Variants in TARDBP observed in about 807,000 individuals in gnomAD.
TARDBP encodes TAR DNA binding protein, also known as TAR DNA-binding protein 43.
In TARDBP, 4 loss-of-function variants were observed where a neutral mutation model predicts 38.3. The observed-to-expected ratio is 0.10, with a 90% CI of 0.05 to 0.24. TARDBP has a LOEUF of 0.24. Among genes scored for constraint, TARDBP ranks in the 10% least tolerant of loss-of-function variants. The pLI is 1.00. For synonymous variants in TARDBP, 184 were observed against 183.8 expected (o/e 1.00, Z -0.01); for missense variants, 202 against 521.9 (o/e 0.39, Z 5.97).
downstream of TARDBP, chr1:11,027,494 G>T (rs201886741): frequency 1.9e-6 from 3 of 1,614,084 alleles, no homozygotes; most frequent in Non-Finnish European, 1.7e-6. Context: ...GCTCATAGAC[G>T]GCATGAGCAG....
chr1:11,013,981 G>A lies in TARDBP; in HGVS notation c.238+16G>A, dbSNP rs373450963. ...TATCCAAAAGGTTTGTTACCATTTG[G>A]TTTTTGTAATCATGCTGAAGTGTGT... On this transcript the variant is annotated intron_variant, in intron 2 of 5. Transcript: ENST00000240185. The A allele has an allele frequency of 2.0e-5, 32 of 1,613,398 alleles. No individual in the cohort carries two copies. Among genetic ancestry groups the A allele is most frequent in the Non-Finnish European group, 2.4e-5 (28 of 1,179,446 alleles).
downstream of TARDBP, chr1:11,027,375 G>T (rs755660862): frequency 6.2e-6 from 10 of 1,614,068 alleles, no homozygotes. Context: ...AGCATCATGA[G>T]TATAACCTTC....
intron 3 of TARDBP, among the ~76,000 whole-genome samples, chr1:11,017,418 C>G (rs1047885888): frequency 3.3e-5 from 5 of 152,106 alleles, no homozygotes; most frequent in African/African-American, 1.2e-4. Flanking sequence ...CCAGGCTGTT[C>G]TTGAACTCCT....
intron 4 of TARDBP, chr1:11,019,325 C>T (rs1420832103): frequency 5.3e-5 from 16 of 304,268 alleles, no homozygotes; most frequent in Non-Finnish European, 8.8e-5. Flanking sequence ...TCATGTATCA[C>T]ATGGCAAAGT....
Position 11,022,645 on chromosome 1 carries a change from G to C in TARDBP, c.1236G>C (p.Trp412Cys). The change falls in exon 6 of 6, where the codon TGG becomes TGC. Residue 412 changes from tryptophan to cysteine, a missense_variant. This residue lies in a region of TARDBP where 107 missense variants were observed against 190.5 expected (regional missense o/e 0.56). Coordinates refer to ENST00000240185, the MANE Select transcript of TARDBP (RefSeq NM_007375.4). The surrounding 1 kb of genome is among the most constrained non-coding windows in gnomAD (Gnocchi z 4.5). ...GCATGGATTCTAAGTCTTCTGGCTG[G>C]GGAATGTAGACAGTGGGGTTGTGGT... ...GSSMDSKSSGWGM is the reference protein window; with the variant it reads ...GSSMDSKSSGCGM 1 of 1,608,738 alleles carries C rather than the reference G, an allele frequency of 6.2e-7. No homozygotes were observed. The highest frequency in any genetic ancestry group is 8.5e-7 in the Non-Finnish European group (1 of 1,177,476).
chr1:11,021,581 G>A (rs1238640097), intron 5 of TARDBP, among the ~76,000 whole-genome samples: 1 of 152,068 alleles, frequency 6.6e-6, no homozygotes, highest in Admixed American at 6.6e-5. Context: ...CCTGCTCCCG[G>A]CCCATTTTTT....
intron 1 of TARDBP, among the ~76,000 whole-genome samples, chr1:11,013,331 C>A (rs1279809928): frequency 2.6e-5 from 4 of 152,238 alleles, no homozygotes; most frequent in Non-Finnish European, 5.9e-5. Flanking sequence ...ATGCCTCAGC[C>A]AGTTAGGCTC....
Position 11,022,036 on chromosome 1 carries a change from TAATG to T in TARDBP, c.715-87_715-84del, listed in dbSNP as rs1643649210. ...ATTTTTCCTCTGGCTTTAGATAAATTAATGCTTGTAATCTAAGTTTTGTTGCTAC... is the reference window on the plus strand; with the variant it reads ...ATTTTTCCTCTGGCTTTAGATAAATTCTTGTAATCTAAGTTTTGTTGCTAC... On this transcript the variant is annotated intron_variant, in intron 5 of 5. Coordinates refer to ENST00000240185, the MANE Select transcript of TARDBP (RefSeq NM_007375.4). This position sits in a 1 kb window ranked among gnomAD's most constrained non-coding sequence, Gnocchi z 4.5. 6.7e-7 allele frequency: 1 copy of T among 1,487,926 alleles called. No individual in the cohort carries two copies. The highest frequency in any genetic ancestry group is 1.4e-5 in the African/African-American group (1 of 72,378). 92.2% of individuals were successfully genotyped at this position (1,487,926 alleles called of 1,614,324 possible). A position where few individuals can be genotyped will look rare whatever the true frequency, so the allele number is the denominator to read the frequency against.
rs562939412 is a variant in TARDBP, at chr1:11,020,333, C to G, written c.544-96C>G. On this transcript the variant is annotated intron_variant, in intron 4 of 5. Transcript: ENST00000240185. ...CTACTTTTTAATGGTTCACTGCTAT[C>G]CAAGGCGAATGATTTTGTTATATCC... 4.3e-4 allele frequency: 632 copies of G among 1,474,784 alleles called. 4 individuals are homozygous for G. The South Asian group carries it at 6.3e-3, about 15-fold the overall frequency. 91.4% of individuals were successfully genotyped at this position (1,474,784 alleles called of 1,614,324 possible).
At position 11,022,327 on chromosome 1, in the gene TARDBP, T is replaced by C. The variant is rs1395910567; in HGVS notation, c.918T>C (p.Asn306=). 3 of 1,613,802 alleles carry C rather than the reference T, an allele frequency of 1.9e-6. No homozygotes were observed. Among genetic ancestry groups the C allele is most frequent in the Non-Finnish European group, 2.5e-6 (3 of 1,179,862 alleles). ...GTTTGGGAAACAATCAAGGTAGTAA[T>C]ATGGGTGGTGGGATGAACTTTGGTG... ...GAGLGNNQGS[N]MGGGMNFGAF... Residue 306 remains asparagine (N), a synonymous_variant, in exon 6 of 6, where the codon AAT becomes AAC. Coordinates refer to ENST00000240185, the MANE Select transcript of TARDBP (RefSeq NM_007375.4). The surrounding 1 kb of genome is among the most constrained non-coding windows in gnomAD (Gnocchi z 4.5).
At chr1:11,019,564 A>C (rs1643594153) in intron 4 of TARDBP, among the ~76,000 whole-genome samples, 1 of 151,694 alleles carries the variant, frequency 6.6e-6, no homozygotes, top group Non-Finnish European at 1.5e-5. Flanking sequence ...TGATGTTTGC[A>C]CAACGACTTT....
At chr1:11,026,714 T>G (rs183998926), downstream of TARDBP, 285 of 482,632 alleles carry the variant, frequency 5.9e-4, 1 homozygote, top group East Asian at 8.1e-3. Flanking sequence ...AAGGCTGGAA[T>G]TAAACTGGCA....
downstream of TARDBP, chr1:11,027,555 C>G (rs150524896): frequency 5.3e-4 from 861 of 1,614,022 alleles, 6 homozygotes; most frequent in Non-Finnish European, 1.1e-4. Context: ...TGTGGTTCCA[C>G]CTAATATCAG....
intron 2 of TARDBP, 139 bp downstream of exon 2, chr1:11,014,104 T>A (rs1045805929): frequency 2.3e-6 from 2 of 875,844 alleles, no homozygotes; most frequent in East Asian, 2.4e-5. Context: ...TAGACAAGTT[T>A]GGAAGACCAC....
chr1:11,017,061 C>T (rs1570716897), intron 3 of TARDBP, 54 bp downstream of exon 3: 1 of 1,577,946 alleles, frequency 6.3e-7, no homozygotes, highest in Admixed American at 1.7e-5. Flanking sequence ...GAGTATCTAG[C>T]ATTTATTTAT....
In TARDBP at chr1:11,025,449, A is replaced by C. The variant is rs1417324516; in HGVS notation, c.*2795A>C. 3 of 152,220 alleles carry C rather than the reference A, an allele frequency of 2.0e-5. No homozygotes were observed. The highest frequency in any genetic ancestry group is 4.4e-5 in the Non-Finnish European group (3 of 68,048). The allele number at this position is 152,220 out of a possible 1,614,324, so 9.4% of individuals were successfully genotyped here. On this transcript the variant is annotated 3_prime_UTR_variant, in exon 6 of 6. Coordinates refer to ENST00000240185, the MANE Select transcript of TARDBP (RefSeq NM_007375.4). Reference sequence around the variant, plus strand: ...TCAATCTAAATGCATTCATTCTAAAAAATTTTTTGAACCAGATAAATAAAA... The same window carrying C: ...TCAATCTAAATGCATTCATTCTAAACAATTTTTTGAACCAGATAAATAAAA...
chr1:11,017,136 T>G, intron 3 of TARDBP, 129 bp downstream of exon 3: 90 of 959,778 alleles, frequency 9.4e-5, no homozygotes, highest in Non-Finnish European at 1.3e-4. Flanking sequence ...CCTGGGCCCA[T>G]ACTGTCCTCC....
chr1:11,021,139 A>C lies in TARDBP; in HGVS notation c.714+540A>C, dbSNP rs942777201. Among the ~76,000 whole-genome samples the C allele has an allele frequency of 2.2e-4, 33 of 150,278 alleles. 1 individual carries two copies. Among genetic ancestry groups the C allele is most frequent in the Admixed American group, 2.1e-3 (31 of 14,926 alleles). ...TATGTGGCATTTGGGAATGTTATAT[A>C]CTTTTTTTTTTTTTTTGAGACAGAG... On this transcript the variant is annotated intron_variant, in intron 5 of 5. Transcript: ENST00000240185.
chr1:11,015,359 G>A (rs185007760), intron 2 of TARDBP, among the ~76,000 whole-genome samples: 2 of 151,862 alleles, frequency 1.3e-5, no homozygotes, highest in Admixed American at 6.6e-5. Flanking sequence ...GGTGGTTCGC[G>A]CCTGTAGTCT....
Sources: gnomAD v4.1 joint callset for allele counts (sites outside exome capture counted in the v4.1 genomes callset) on GRCh38, gnomAD v4.1.1 for gene constraint, gnomAD v4.1.1 regional missense constraint, Gnocchi (gnomAD v3.1) non-coding constraint, MANE v1.5 for transcripts, NCBI Gene and HGNC (gene_info 2026-07-23, HGNC 2026-07-21) for gene names.